The following NISCH variants were observed in gnomAD, a reference collection of about 807,000 sequenced individuals.
NISCH encodes I-1 receptor candidate protein.
NISCH carries 55 observed loss-of-function variants against 138.4 expected under a neutral mutation model. The observed-to-expected ratio is 0.40, with a 90% CI of 0.32 to 0.50. NISCH has a LOEUF of 0.50. NISCH is among the 20% of genes least tolerant of loss of function. The probability of loss-of-function intolerance (pLI) is 0.71; values close to 1 mark genes in which losing one functional copy is unlikely to be tolerated. For missense variants in NISCH, 1,643 were observed against 2,005.5 expected, an observed-to-expected ratio of 0.82 and a Z score of 3.45; for synonymous variants, 860 against 861.5, an observed-to-expected ratio of 1.00 and a Z score of 0.03.
At chr3:52,461,688 C>A (rs1185206289) in intron 3 of NISCH, among the ~76,000 whole-genome samples, 1 of 151,912 alleles carries the variant, frequency 6.6e-6, no homozygotes, top group African/African-American at 2.4e-5. Context: ...ACGGTGAAAC[C>A]CCGTCTCTAC....
chr3:52,489,107 T>C (rs965036476), intron 16 of NISCH, among the ~76,000 whole-genome samples: 2 of 152,114 alleles, frequency 1.3e-5, no homozygotes, highest in African/African-American at 2.4e-5. Context: ...GTCTCAAACT[T>C]TGGGCTCAAA....
At chr3:52,473,649 G>T in intron 6 of NISCH, 85 bp from the exon 7 acceptor site, 1 of 909,522 alleles carries the variant, frequency 1.1e-6, no homozygotes, top group Non-Finnish European at 1.7e-6. Flanking sequence ...TTGTGCTTTT[G>T]TATGGGGGTA....
chr3:52,486,027 C>T (rs760712217), intron 15 of NISCH, among the ~76,000 whole-genome samples, 200 bp downstream of exon 15: 1 of 152,246 alleles, frequency 6.6e-6, no homozygotes, highest in Non-Finnish European at 1.5e-5. Context: ...AAACTCTGCT[C>T]AGCACATGTT....
chr3:52,486,171 G>T (rs1004546449), intron 15 of NISCH, among the ~76,000 whole-genome samples: 2 of 150,004 alleles, frequency 1.3e-5, no homozygotes, highest in African/African-American at 4.9e-5. Context: ...GTGCAGTGGC[G>T]TGTTCTTGGC....
rs750890542 is a variant in NISCH, at chr3:52,489,624, C to T, written c.3402C>T (p.Val1134=). 1.9e-5 allele frequency: 31 copies of T among 1,612,844 alleles called. No homozygotes were observed. The highest frequency in any genetic ancestry group is 2.4e-5 in the Non-Finnish European group (28 of 1,179,948). ...CTGCCTGCCCGTCGCTCCGGCACGT[C>T]GCCAGCCTGCGGGGCAGCGCCATCA... is the stretch of plus-strand genomic sequence containing the variant. The part of the protein sequence containing the change: ...HLPACPSLRH[V]ASLRGSAIIE... Residue 1134 remains valine (V), a synonymous_variant, in exon 17 of 21, where the codon GTC becomes GTT. Transcript: ENST00000345716.
chr3:52,484,421 G>T, intron 13 of NISCH, 92 bp from the exon 14 acceptor site: 2 of 1,310,354 alleles, frequency 1.5e-6, no homozygotes, highest in South Asian at 2.7e-5. Flanking sequence ...CGCCATGCCA[G>T]TAGCCTGAGG....
chr3:52,465,370 TC>T (rs776417392), intron 3 of NISCH, among the ~76,000 whole-genome samples: 1 of 152,122 alleles, frequency 6.6e-6, no homozygotes, highest in Non-Finnish European at 1.5e-5. Context: ...GCTCAAGTGA[TC>T]CACCCACCTC....
At chr3:52,477,298 A>G (rs1707125413) in intron 8 of NISCH, among the ~76,000 whole-genome samples, 1 of 151,860 alleles carries the variant, frequency 6.6e-6, no homozygotes, top group Admixed American at 6.6e-5. Context: ...AGAAGAACAG[A>G]CTCTCTTCTC....
intron 1 of NISCH, 60 bp downstream of exon 1, chr3:52,455,794 CG>C: frequency 4.1e-6 from 5 of 1,208,008 alleles, no homozygotes; most frequent in African/African-American, 1.6e-5. Flanking sequence ...GAGTCCGACT[CG>C]GGGGCTTGGG....
chr3:52,471,944 C>T lies in NISCH; in HGVS notation c.540C>T (p.Ile180=). 1 of 1,608,012 alleles carries T rather than the reference C, an allele frequency of 6.2e-7. No individual in the cohort carries two copies. Residue 180 remains isoleucine (I), a synonymous_variant, in exon 5 of 21, where the codon ATC becomes ATT. Coordinates refer to ENST00000345716, the MANE Select transcript of NISCH (RefSeq NM_007184.4). The part of the protein sequence containing the change: ...SGDAKTDLGH[I]LDFTCRLKYL... ...ATGCCAAGACCGACCTCGGGCACAT[C>T]CTGGACTTCACCTGTCGCCTTAAGT...
In NISCH at chr3:52,488,130, G is replaced by A. The variant is rs776458466; in HGVS notation, c.2638G>A (p.Glu880Lys). The A allele has an allele frequency of 9.3e-6, 15 of 1,613,034 alleles. No homozygotes were observed. The highest frequency in any genetic ancestry group is 2.7e-5 in the African/African-American group (2 of 74,890). ...TAAGDYSGNI[E>K]WASCTLCSAV... The stretch of plus-strand genomic sequence containing the variant: ...CGCCGGGGACTACTCAGGCAACATC[G>A]AGTGGGCCAGCTGCACACTCTGTTC... The change falls in exon 16 of 21, where the codon GAG (glutamate) becomes AAG (lysine). Residue 880 changes from glutamate to lysine, a missense_variant. Coordinates refer to ENST00000345716, the MANE Select transcript of NISCH (RefSeq NM_007184.4).
At chr3:52,471,693 G>C (rs980675339) in intron 4 of NISCH, 121 bp from the exon 5 acceptor site, 1 of 1,198,974 alleles carries the variant, frequency 8.3e-7, no homozygotes, top group African/African-American at 1.5e-5. Context: ...CAGGGCGCTG[G>C]CTTTGCCCTG....
intron 13 of NISCH, 49 bp downstream of exon 13, chr3:52,480,344 G>A (rs753116168): frequency 2.5e-6 from 4 of 1,608,352 alleles, no homozygotes; most frequent in Non-Finnish European, 2.5e-6. Flanking sequence ...AGCCCTGCCT[G>A]GGCCCCCTGG....
At position 52,472,384 on chromosome 3, in the gene NISCH, C is replaced by CT; in HGVS notation, c.656dup (p.His220AlafsTer9). ...GTTCGACCTATCAATATTCAAGTCC[C>CT]TGCATCAGGTGGAGGTAAGGCCCAG... On this transcript the variant is annotated frameshift_variant, in exon 6 of 21. Transcript: ENST00000345716. LOFTEE classifies it high-confidence loss of function. 6.2e-7 allele frequency: 1 copy of CT among 1,614,112 alleles called. No homozygotes were observed.
Position 52,492,222 on chromosome 3 carries a change from G to GTGC in NISCH, c.4257_4259dup (p.Leu1420dup). 1.2e-6 allele frequency: 2 copies of GTGC among 1,613,160 alleles called. No individual in the cohort carries two copies. Among genetic ancestry groups the GTGC allele is most frequent in the Non-Finnish European group, 1.7e-6 (2 of 1,180,042 alleles). On this transcript the variant is annotated inframe_insertion, in exon 21 of 21. Coordinates refer to ENST00000345716, the MANE Select transcript of NISCH (RefSeq NM_007184.4). ...CCGCCGCGTCCGGGACCTGGACCGA[G>GTGC]TGCTCATGGGCTACCAGACCTACCC...
In NISCH at chr3:52,491,450, C is replaced by T. The variant is rs199747952; in HGVS notation, c.3841C>T (p.Arg1281Cys). The T allele has an allele frequency of 5.3e-5, 86 of 1,613,496 alleles. No homozygotes were observed. Among genetic ancestry groups the T allele is most frequent in the Admixed American group, 2.0e-4 (12 of 60,018 alleles). The change falls in exon 20 of 21, where the codon CGC becomes TGC. Residue 1281 changes from arginine to cysteine, a missense_variant. Transcript: ENST00000345716. The part of the protein sequence containing the change: ...HLMVVLSSLE[R>C]TPSPEPVDKD... Reference sequence around the variant, plus strand: ...CATGGTCGTGCTGTCCTCTCTGGAACGCACGCCCTCGCCGGAGCCTGTTGA... The same window carrying T: ...CATGGTCGTGCTGTCCTCTCTGGAATGCACGCCCTCGCCGGAGCCTGTTGA...
At chr3:52,480,648 C>T in intron 13 of NISCH, 1 of 1,424,266 alleles carries the variant, frequency 7.0e-7, no homozygotes, top group East Asian at 2.6e-5. Flanking sequence ...AGGTTGGCTC[C>T]TGGTTACAGG....
chr3:52,462,701 T>A (rs746212556), intron 3 of NISCH, among the ~76,000 whole-genome samples: 64 of 152,158 alleles, frequency 4.2e-4, no homozygotes, highest in Non-Finnish European at 6.8e-4. Flanking sequence ...AGTGGTACGA[T>A]CTCGGCTCAC....
intron 4 of NISCH, 121 bp downstream of exon 4, chr3:52,471,028 A>G: frequency 1.1e-6 from 1 of 919,788 alleles, no homozygotes; most frequent in South Asian, 1.3e-5. Flanking sequence ...GTAGGTGGCC[A>G]GGTCTGAGGA....
Sources: allele counts gnomAD v4.1 joint callset (sites outside exome capture counted in the v4.1 genomes callset), GRCh38; gene constraint gnomAD v4.1.1; transcripts MANE v1.5; gene names NCBI Gene and HGNC (gene_info 2026-07-23, HGNC 2026-07-21).